The following KLHL8 variants were observed in gnomAD, a reference collection of about 807,000 sequenced individuals.
KLHL8 encodes the protein kelch like family member 8, also known as kelch-like protein 8.
Under a neutral mutation model 63.5 loss-of-function variants are expected in KLHL8, and 38 were observed. The observed-to-expected ratio is 0.60, with a 90% confidence interval of 0.46 to 0.78. The LOEUF (loss-of-function observed/expected upper bound fraction) is 0.78. Ranked by LOEUF, KLHL8 falls within the 30% of genes least tolerant of loss-of-function variation. The pLI, the probability that KLHL8 is intolerant of heterozygous loss-of-function variation, is 0.00. For missense variants in KLHL8, 566 were observed against 752.4 expected, an observed-to-expected ratio of 0.75 and a Z score of 2.90; for synonymous variants, 224 against 254.3, an observed-to-expected ratio of 0.88 and a Z score of 1.13.
chr4:87,222,250 T>C (rs1221681729), upstream of KLHL8, among the ~76,000 whole-genome samples: 2 of 152,246 alleles, frequency 1.3e-5, no homozygotes, highest in Admixed American at 6.5e-5. Context: ...GTCTGCTGTA[T>C]GGGCTCAACA....
chr4:87,229,135 T>C (rs1733087004), intron 1 of KLHL8, among the ~76,000 whole-genome samples: 1 of 152,254 alleles, frequency 6.6e-6, no homozygotes, highest in Admixed American at 6.5e-5. Flanking sequence ...GTTCAGCCTA[T>C]TTGGAAGGTT....
At chr4:87,169,688 C>T (rs890601318) in intron 8 of KLHL8, among the ~76,000 whole-genome samples, 1 of 152,004 alleles carries the variant, frequency 6.6e-6, no homozygotes, top group Non-Finnish European at 1.5e-5. Context: ...ACAGCAAGAA[C>T]CCATCTCTAC....
At chr4:87,224,013 C>T (rs1169114913), upstream of KLHL8, among the ~76,000 whole-genome samples, 1 of 151,818 alleles carries the variant, frequency 6.6e-6, no homozygotes, top group Non-Finnish European at 1.5e-5. Flanking sequence ...TATGATTGTA[C>T]TTTAGTCAGA....
At chr4:87,206,010 T>C (rs570206421) in intron 1 of KLHL8, among the ~76,000 whole-genome samples, 4 of 152,330 alleles carry the variant, frequency 2.6e-5, no homozygotes, top group Admixed American at 2.0e-4. Context: ...ACTATACTTT[T>C]AGATTCCCCT....
At chr4:87,207,442 A>G in intron 1 of KLHL8, 2 of 714,932 alleles carry the variant, frequency 2.8e-6, no homozygotes, top group Non-Finnish European at 5.1e-6. Context: ...CAAAAGGGTC[A>G]TCATCTCTCC....
chr4:87,225,077 TCACAGCA>T (rs957472445), upstream of KLHL8, among the ~76,000 whole-genome samples: 3 of 152,012 alleles, frequency 2.0e-5, no homozygotes, highest in Non-Finnish European at 4.4e-5. Flanking sequence ...AAGGCTCAAG[TCACAGCA>T]CCCAGCATCC....
intron 8 of KLHL8, among the ~76,000 whole-genome samples, chr4:87,169,120 C>A (rs770146631): frequency 3.9e-5 from 6 of 151,948 alleles, no homozygotes; most frequent in Non-Finnish European, 7.4e-5. Context: ...GCCTGGCAAA[C>A]ACGATGAAAC....
chr4:87,185,916 A>C (rs926521615), intron 2 of KLHL8, 117 bp from the exon 3 acceptor site: 1 of 811,500 alleles, frequency 1.2e-6, no homozygotes, highest in African/African-American at 1.7e-5. Context: ...GTATCTTTTT[A>C]TAAGGCGATC....
chr4:87,209,043 G>T (rs1732279317), intron 1 of KLHL8, among the ~76,000 whole-genome samples: 1 of 152,142 alleles, frequency 6.6e-6, no homozygotes. Context: ...CAGGAAGACA[G>T]AAGCAGGAAA....
At chr4:87,240,250 T>C (rs1351029827) in intron 1 of KLHL8, 9 of 152,218 alleles carry the variant, frequency 5.9e-5, no homozygotes. Context: ...CAAGGCAACA[T>C]AGCTCACCTG....
intron 1 of KLHL8, among the ~76,000 whole-genome samples, chr4:87,239,410 G>A (rs1733290520): frequency 6.6e-6 from 1 of 152,206 alleles, no homozygotes. Flanking sequence ...GTGTAATACA[G>A]ACTTGGCAGG....
chr4:87,173,390 G>T (rs1396728325), intron 6 of KLHL8, among the ~76,000 whole-genome samples: 1 of 152,196 alleles, frequency 6.6e-6, no homozygotes, highest in Non-Finnish European at 1.5e-5. Flanking sequence ...TTACCACTTG[G>T]TGTGTCTTGT....
At chr4:87,202,797 T>G (rs1242581922) in intron 1 of KLHL8, among the ~76,000 whole-genome samples, 3 of 152,188 alleles carry the variant, frequency 2.0e-5, no homozygotes, top group African/African-American at 7.2e-5. Flanking sequence ...GAGAAAACAC[T>G]TTCCAACTTA....
chr4:87,163,406 T>C lies in KLHL8; in HGVS notation c.*113A>G. On this transcript the variant is annotated 3_prime_UTR_variant, in exon 10 of 10. Transcript: ENST00000273963. The stretch of plus-strand genomic sequence containing the variant: ...CTTAGTCACAATACAACAGTTAACA[T>C]TTAAATAAGACTCTAGTTGCAGTAA... 5 of 1,072,450 alleles carry C rather than the reference T, an allele frequency of 4.7e-6. No individual in the cohort carries two copies. The highest frequency in any genetic ancestry group is 6.8e-6 in the Non-Finnish European group (5 of 740,504). 66.4% of individuals were successfully genotyped at this position (1,072,450 alleles called of 1,614,324 possible).
At chr4:87,208,998 C>A (rs147659268) in intron 1 of KLHL8, among the ~76,000 whole-genome samples, 10 of 152,000 alleles carry the variant, frequency 6.6e-5, no homozygotes, top group Non-Finnish European at 1.2e-4. Flanking sequence ...AATGCAATGT[C>A]CTCAACTTTA....
chr4:87,207,022 T>C (rs1732157527), intron 1 of KLHL8: 2 of 328,734 alleles, frequency 6.1e-6, no homozygotes, highest in South Asian at 5.7e-5. Flanking sequence ...TCAACTTGGC[T>C]CTCTGCTCCT....
chr4:87,192,920 C>T (rs1393625443), intron 2 of KLHL8, among the ~76,000 whole-genome samples: 1 of 151,924 alleles, frequency 6.6e-6, no homozygotes, highest in African/African-American at 2.4e-5. Context: ...TTTTAAAGTA[C>T]ACCCGTATAA....
intron 1 of KLHL8, among the ~76,000 whole-genome samples, chr4:87,200,138 C>CAAAAAAAAAAAAAAAAAA (rs61605160): frequency 1.4e-5 from 1 of 73,704 alleles, no homozygotes; most frequent in Non-Finnish European, 2.5e-5. Context: ...GAGACTGCCT[C>CAAAAAAAAAAAAAAAAAA]AAAAAAAAAA....
chr4:87,217,385 G>A (rs1732636528), intron 1 of KLHL8, among the ~76,000 whole-genome samples: 1 of 152,060 alleles, frequency 6.6e-6, no homozygotes, highest in Non-Finnish European at 1.5e-5. Context: ...CCAGGCTGGA[G>A]TGCAGTGATG....
Sources: gnomAD v4.1 joint callset for allele counts (sites outside exome capture counted in the v4.1 genomes callset) on GRCh38, gnomAD v4.1.1 for gene constraint, MANE v1.5 for transcripts, NCBI Gene and HGNC (gene_info 2026-07-23, HGNC 2026-07-21) for gene names.